NXNL2: variants seen among roughly 807,000 people sequenced by gnomAD.
NXNL2 encodes nucleoredoxin-like protein 2.
NXNL2 carries 7 observed loss-of-function variants against 11.1 expected under a neutral mutation model. The observed-to-expected ratio is 0.63, with a 90% CI of 0.36 to 1.18. The LOEUF (loss-of-function observed/expected upper bound fraction) is 1.18. Among genes scored for constraint, NXNL2 ranks in the 50% most tolerant of loss-of-function variants. The pLI, the probability that NXNL2 is intolerant of heterozygous loss-of-function variation, is 0.02. For synonymous variants in NXNL2, 109 were observed against 101.8 expected (o/e 1.07, Z -0.42); for missense variants, 233 against 217.7 (o/e 1.07, Z -0.44).
chr9:88,573,727 C>G (rs571703192), intron 2 of NXNL2, among the ~76,000 whole-genome samples: 5 of 152,134 alleles, frequency 3.3e-5, no homozygotes, highest in African/African-American at 1.2e-4. Flanking sequence ...CCCAACAGTG[C>G]AGATATACTT....
intron 1 of NXNL2, among the ~76,000 whole-genome samples, chr9:88,564,288 TC>T (rs1206928987): frequency 0.017 from 1,775 of 103,620 alleles, 22 homozygotes; most frequent in East Asian, 0.075. Flanking sequence ...CTATCTATTA[TC>T]TATCTATCTA....
At chr9:88,579,515 G>A (rs904541376), downstream of NXNL2, among the ~76,000 whole-genome samples, 2 of 152,180 alleles carry the variant, frequency 1.3e-5, no homozygotes, top group Non-Finnish European at 2.9e-5. Context: ...GGTGGGGCTG[G>A]TTGTGACAGC....
At chr9:88,546,238 T>C (rs1829844526), downstream of NXNL2, among the ~76,000 whole-genome samples, 1 of 151,826 alleles carries the variant, frequency 6.6e-6, no homozygotes, top group Non-Finnish European at 1.5e-5. Flanking sequence ...AACGTGCTTG[T>C]AACTGCCAAG....
intron 1 of NXNL2, among the ~76,000 whole-genome samples, chr9:88,557,365 C>A (rs561807994): frequency 1.3e-5 from 2 of 152,328 alleles, no homozygotes; most frequent in African/African-American, 4.8e-5. Context: ...GCTTTCCTTT[C>A]ATGCTGGGCA....
At chr9:88,556,926 A>C (rs1319862291) in intron 1 of NXNL2, among the ~76,000 whole-genome samples, 1 of 151,798 alleles carries the variant, frequency 6.6e-6, no homozygotes, top group Non-Finnish European at 1.5e-5. Flanking sequence ...AAAATGCAAA[A>C]AAAAATTAGC....
rs574141298 is a variant in NXNL2, at chr9:88,535,753, G to A, written c.302+17G>A. 29 of 1,533,140 alleles carry A rather than the reference G, an allele frequency of 1.9e-5. No individual in the cohort carries two copies. Among genetic ancestry groups the A allele is most frequent in the Non-Finnish European group, 2.4e-5 (28 of 1,150,492 alleles). The allele number at this position is 1,533,140 out of a possible 1,614,324, so 95.0% of individuals were successfully genotyped here. On this transcript the variant is annotated intron_variant, in intron 1 of 1. Coordinates refer to ENST00000375854, the MANE Select transcript of NXNL2 (RefSeq NM_001161625.2). ...CTACCGGCAGTGAGTGGGGGTCCTGGGGGGGCGGGGGCCGCCCGGCACGTC... is the reference window on the plus strand; with the variant it reads ...CTACCGGCAGTGAGTGGGGGTCCTGAGGGGGCGGGGGCCGCCCGGCACGTC...
intron 1 of NXNL2, among the ~76,000 whole-genome samples, chr9:88,551,378 T>C (rs1187104209): frequency 6.6e-6 from 1 of 152,194 alleles, no homozygotes; most frequent in African/African-American, 2.4e-5. Flanking sequence ...TTTATTTTTG[T>C]TCTACTTTTT....
chr9:88,563,599 C>A (rs879686699), intron 1 of NXNL2, among the ~76,000 whole-genome samples: 2 of 152,194 alleles, frequency 1.3e-5, no homozygotes, highest in Admixed American at 1.3e-4. Flanking sequence ...TCAAATGAGC[C>A]TTCTGAGGTT....
chr9:88,567,126 A>G (rs759315886), intron 1 of NXNL2, among the ~76,000 whole-genome samples: 6 of 151,722 alleles, frequency 4.0e-5, no homozygotes, highest in Middle Eastern at 3.2e-3. Context: ...CTCTATAACT[A>G]TTTCCTGACT....
chr9:88,548,570 C>A (rs1027990009), downstream of NXNL2, among the ~76,000 whole-genome samples: 2 of 150,510 alleles, frequency 1.3e-5, no homozygotes, highest in African/African-American at 4.9e-5. Flanking sequence ...CATCTGTAGT[C>A]CCAGCTACTC....
chr9:88,570,300 T>C (rs925773219), intron 1 of NXNL2, among the ~76,000 whole-genome samples: 2 of 151,956 alleles, frequency 1.3e-5, no homozygotes, highest in Non-Finnish European at 2.9e-5. Context: ...GGCATTTTCG[T>C]AGAGATGAGG....
chr9:88,582,759 C>T (rs529011874), intron 1 of NXNL2, among the ~76,000 whole-genome samples: 2 of 152,160 alleles, frequency 1.3e-5, no homozygotes, highest in South Asian at 4.2e-4. Context: ...ACCTCCACCT[C>T]CTGGGTTCAA....
At chr9:88,557,097 AAAAAAAAG>A (rs1195029443) in intron 1 of NXNL2, among the ~76,000 whole-genome samples, 2,595 of 150,748 alleles carry the variant, frequency 0.017, 68 homozygotes, top group African/African-American at 0.056. Context: ...AAAAAAAAAA[AAAAAAAAG>A]AAAGATGTTG....
chr9:88,576,989 C>T (rs1830355422), downstream of NXNL2, among the ~76,000 whole-genome samples: 4 of 152,126 alleles, frequency 2.6e-5, no homozygotes, highest in South Asian at 8.3e-4. Context: ...CAGCTCCCAA[C>T]TCCCAAGCCC....
intron 1 of NXNL2, among the ~76,000 whole-genome samples, chr9:88,565,016 C>T (rs1182681713): frequency 2.6e-5 from 4 of 152,146 alleles, no homozygotes; most frequent in Non-Finnish European, 4.4e-5. Flanking sequence ...AGCAACCTCC[C>T]ATTTTCTCCT....
At chr9:88,541,639 G>A (rs996676061) in intron 1 of NXNL2, among the ~76,000 whole-genome samples, 3 of 152,114 alleles carry the variant, frequency 2.0e-5, no homozygotes, top group Non-Finnish European at 4.4e-5. Flanking sequence ...GTTGGTTTTT[G>A]TTGGTTCATT....
At chr9:88,562,637 A>G (rs976067255) in intron 1 of NXNL2, among the ~76,000 whole-genome samples, 5 of 151,674 alleles carry the variant, frequency 3.3e-5, no homozygotes, top group Admixed American at 6.6e-5. Context: ...CCGTAATACC[A>G]GCTACTTAGG....
intron 1 of NXNL2, among the ~76,000 whole-genome samples, chr9:88,538,748 G>A (rs1829685341): frequency 6.6e-6 from 1 of 152,170 alleles, no homozygotes; most frequent in Admixed American, 6.5e-5. Context: ...ATTGGAGGTG[G>A]GTCTTTCCCA....
intron 1 of NXNL2, among the ~76,000 whole-genome samples, chr9:88,543,980 G>A (rs1424233700): frequency 6.6e-6 from 1 of 152,212 alleles, no homozygotes; most frequent in Non-Finnish European, 1.5e-5. Context: ...GGCCAGTCTG[G>A]CCAACATGGT....
Sources: allele counts gnomAD v4.1 joint callset (sites outside exome capture counted in the v4.1 genomes callset), GRCh38; gene constraint gnomAD v4.1.1; transcripts MANE v1.5; gene names NCBI Gene and HGNC (gene_info 2026-07-23, HGNC 2026-07-21).